The following LCK variants were observed in gnomAD, a reference collection of about 807,000 sequenced individuals.
The protein encoded by LCK is tyrosine-protein kinase Lck.
In LCK, 14 loss-of-function variants were observed where a neutral mutation model predicts 64.6. That is an observed-to-expected ratio of 0.22 (90% confidence interval 0.14 to 0.34). The LOEUF (loss-of-function observed/expected upper bound fraction) is 0.34, where lower values mean the gene tolerates loss of function less well. LCK is among the 10% of genes least tolerant of loss of function. The probability of loss-of-function intolerance (pLI) is 1.00; values close to 1 mark genes in which losing one functional copy is unlikely to be tolerated. For synonymous variants in LCK, 277 were observed against 263.6 expected, an observed-to-expected ratio of 1.05 and a Z score of -0.49; for missense variants, 434 against 668.1, an observed-to-expected ratio of 0.65 and a Z score of 3.86.
rs944285932 is a variant in LCK at position 32,276,856 on chromosome 1, A to C, written c.964+70A>C. 21 of 1,403,806 alleles carry C rather than the reference A, an allele frequency of 1.5e-5. No homozygotes were observed. In the Admixed American group the frequency reaches 2.9e-4, roughly 20 times the overall value. The allele number at this position is 1,403,806 out of a possible 1,614,324, so 87.0% of individuals were successfully genotyped here. A position where few individuals can be genotyped will look rare whatever the true frequency, so the allele number is the denominator to read the frequency against. ...GCTGTCCCTGCCAGAGGGTGGAAAT[A>C]CACCTTTTCTTCTGGCCCAAAGCTC... On this transcript the variant is annotated intron_variant, in intron 9 of 12. Coordinates refer to ENST00000336890, the MANE Select transcript of LCK (RefSeq NM_005356.5). The surrounding 1 kb of genome is among the most constrained non-coding windows in gnomAD (Gnocchi z 4.6).
At position 32,275,461 on chromosome 1, in the gene LCK, A is replaced by G. The variant is rs767952386; in HGVS notation, c.377+42A>G. 2 of 1,601,176 alleles carry G rather than the reference A, an allele frequency of 1.2e-6. No individual in the cohort carries two copies. The highest frequency in any genetic ancestry group is 1.7e-6 in the Non-Finnish European group (2 of 1,170,102). ...CGTGGGGGTGGGTAGGAGCAGATCT[A>G]GGGATCCTGGAGCAGGGAGTAGGCC... On this transcript the variant is annotated intron_variant, in intron 5 of 12. Transcript: ENST00000336890. This position sits in a 1 kb window ranked among gnomAD's most constrained non-coding sequence, Gnocchi z 6.9.
intron 1 of LCK, among the ~76,000 whole-genome samples, chr1:32,260,271 A>G (rs1639734788): frequency 6.6e-6 from 1 of 152,112 alleles, no homozygotes; most frequent in East Asian, 1.9e-4. Flanking sequence ...TCAGCCTCCC[A>G]AAGTGTTGGG....
Position 32,276,667 on chromosome 1 carries a change from C to G in LCK, c.845C>G (p.Pro282Arg), listed in dbSNP as rs772280544. Reference sequence around the variant, plus strand: ...AGCCTGAAGCAGGGCAGCATGTCCCCGGACGCCTTCCTGGCCGAGGCCAAC... The same window carrying G: ...AGCCTGAAGCAGGGCAGCATGTCCCGGGACGCCTTCCTGGCCGAGGCCAAC... ...VKSLKQGSMSPDAFLAEANLM... is the reference protein window; with the variant it reads ...VKSLKQGSMSRDAFLAEANLM... Residue 282 changes from proline to arginine, a missense_variant, in exon 9 of 13, where the codon CCG becomes CGG. Around this residue, in one of 2 missense-constraint regions of LCK, gnomAD observed 201 missense variants for 376.9 expected, o/e 0.53. Coordinates refer to ENST00000336890, the MANE Select transcript of LCK (RefSeq NM_005356.5). The surrounding 1 kb of genome is among the most constrained non-coding windows in gnomAD (Gnocchi z 4.6). 2 of 1,614,062 alleles carry G rather than the reference C, an allele frequency of 1.2e-6. No homozygotes were observed. Among genetic ancestry groups the G allele is most frequent in the Admixed American group, 3.3e-5 (2 of 59,998 alleles).
chr1:32,259,555 G>T (rs1045972328), intron 1 of LCK, among the ~76,000 whole-genome samples: 1 of 151,600 alleles, frequency 6.6e-6, no homozygotes, highest in Non-Finnish European at 1.5e-5. Context: ...GGGAGGCAGA[G>T]GTTGCAGTGA....
intron 1 of LCK, among the ~76,000 whole-genome samples, chr1:32,252,608 G>A (rs1211026935): frequency 6.6e-6 from 1 of 152,140 alleles, no homozygotes; most frequent in African/African-American, 2.4e-5. Flanking sequence ...ACCCTGGACA[G>A]GCATGAGCAG....
rs1490220383 is a variant in LCK, at chr1:32,251,887, C to T, written c.-6+516C>T. ...GGGCAGACCCCAGTGACAAGAATCT[C>T]CTGAGAAAGAGAGAGAGAGAGAGAG... On this transcript the variant is annotated intron_variant, in intron 1 of 12. Transcript: ENST00000336890. This position sits in a 1 kb window ranked among gnomAD's most constrained non-coding sequence, Gnocchi z 4.0. Among the ~76,000 whole-genome samples the T allele has an allele frequency of 7.4e-6, 1 of 134,722 alleles. No individual in the cohort carries two copies. The highest frequency in any genetic ancestry group is 2.2e-4 in the East Asian group (1 of 4,638). The allele number at this position is 134,722 out of a possible 152,430, so 88.4% of individuals were successfully genotyped here.
chr1:32,267,816 C>A (rs1400193299), intron 1 of LCK, among the ~76,000 whole-genome samples: 1 of 151,350 alleles, frequency 6.6e-6, no homozygotes, highest in Non-Finnish European at 1.5e-5. Context: ...ATCACTTGAA[C>A]CTGGGAGGTG....
Position 32,276,557 on chromosome 1 carries a change from C to A in LCK, c.785-50C>A. On this transcript the variant is annotated intron_variant, in intron 8 of 12. Transcript: ENST00000336890. The surrounding 1 kb of genome is among the most constrained non-coding windows in gnomAD (Gnocchi z 4.6). ...AGGGGCCGCTGAGGTGATGAGAGTCCCAGGACAGCTGCCTGGCGACTTTCC... is the reference window on the plus strand; with the variant it reads ...AGGGGCCGCTGAGGTGATGAGAGTCACAGGACAGCTGCCTGGCGACTTTCC... The A allele has an allele frequency of 6.3e-7, 1 of 1,585,156 alleles. No individual in the cohort carries two copies. Among genetic ancestry groups the A allele is most frequent in the Non-Finnish European group, 8.6e-7 (1 of 1,162,888 alleles).
At chr1:32,257,056 T>A (rs182600842) in intron 1 of LCK, among the ~76,000 whole-genome samples, 41 of 152,266 alleles carry the variant, frequency 2.7e-4, no homozygotes, top group Non-Finnish European at 5.1e-4. Flanking sequence ...CCAGTGTCTA[T>A]GTAGCAAGCA....
chr1:32,258,288 G>GAA (rs770894871), intron 1 of LCK, among the ~76,000 whole-genome samples: 2 of 127,246 alleles, frequency 1.6e-5, no homozygotes, highest in Non-Finnish European at 1.7e-5. Context: ...ATCTCTAAAG[G>GAA]AAAAAAAAAA....
At position 32,285,682 on chromosome 1, in the gene LCK, C is replaced by T. The variant is rs1640594043; in HGVS notation, c.1496C>T (p.Thr499Met). The T allele has an allele frequency of 6.2e-7, 1 of 1,611,158 alleles. No homozygotes were observed. The highest frequency in any genetic ancestry group is 8.5e-7 in the Non-Finnish European group (1 of 1,178,766). Residue 499 changes from threonine (T) to methionine (M), a missense_variant, in exon 13 of 13, where the codon ACG becomes ATG. Physicochemically the swap from Thr to Met is moderately conservative, Grantham distance 81 (BLOSUM62 -1). Coordinates refer to ENST00000336890, the MANE Select transcript of LCK (RefSeq NM_005356.5). ...YLRSVLEDFF[T>M]ATEGQYQPQP The stretch of plus-strand genomic sequence containing the variant: ...CGCAGTGTGCTGGAGGACTTCTTCA[C>T]GGCCACAGAGGGCCAGTACCAGCCT...
chr1:32,266,687 C>T (rs1639924364), intron 1 of LCK, among the ~76,000 whole-genome samples: 1 of 65,130 alleles, frequency 1.5e-5, no homozygotes, highest in Admixed American at 1.4e-4. Flanking sequence ...CCTCCCCTTC[C>T]CCCTCCTCCC....
chr1:32,253,971 T>C (rs184540700), intron 1 of LCK, among the ~76,000 whole-genome samples: 1 of 152,114 alleles, frequency 6.6e-6, no homozygotes, highest in East Asian at 1.9e-4. Flanking sequence ...CTACATCCTA[T>C]AACTCCATGC....
rs953170037 is a variant in LCK at position 32,279,600 on chromosome 1, G to C, written c.965-71G>C. 1.9e-6 allele frequency: 3 copies of C among 1,611,904 alleles called. No individual in the cohort carries two copies. In the African/African-American group the frequency reaches 4.0e-5, roughly 22 times the overall value. On this transcript the variant is annotated intron_variant, in intron 9 of 12. Coordinates refer to ENST00000336890, the MANE Select transcript of LCK (RefSeq NM_005356.5). ...TGTCAGACACACTTCTAGACTCCCA[G>C]TTGGAGGAGAAAGGTCTGGGGGCCT...
At chr1:32,258,489 A>C (rs1233773611) in intron 1 of LCK, among the ~76,000 whole-genome samples, 1 of 151,058 alleles carries the variant, frequency 6.6e-6, no homozygotes, top group African/African-American at 2.4e-5. Flanking sequence ...TAAAAAAAAA[A>C]AAAAAAACCA....
chr1:32,275,769 C>A lies in LCK; in HGVS notation c.481+97C>A. The A allele has an allele frequency of 3.0e-6, 4 of 1,331,644 alleles. No homozygotes were observed. The highest frequency in any genetic ancestry group is 1.4e-5 in the South Asian group (1 of 70,006). The allele number at this position is 1,331,644 out of a possible 1,614,324, so 82.5% of individuals were successfully genotyped here. Reference sequence around the variant, plus strand: ...CCCGAGGTGGAGACACGGGGTGAGTCGGAGGGGGACGCGGGATGAGCCCGA... The same window carrying A: ...CCCGAGGTGGAGACACGGGGTGAGTAGGAGGGGGACGCGGGATGAGCCCGA... On this transcript the variant is annotated intron_variant, in intron 6 of 12. Coordinates refer to ENST00000336890, the MANE Select transcript of LCK (RefSeq NM_005356.5). This position sits in a 1 kb window ranked among gnomAD's most constrained non-coding sequence, Gnocchi z 6.9.
chr1:32,275,915 A>G lies in LCK; in HGVS notation c.483A>G (p.Gly161=), dbSNP rs1165576519. The G allele has an allele frequency of 1.2e-6, 2 of 1,614,032 alleles. No individual in the cohort carries two copies. The highest frequency in any genetic ancestry group is 2.2e-5 in the South Asian group (2 of 91,082). ...FLIRESESTA[G]SFSLSVRDFD... The stretch of plus-strand genomic sequence containing the variant: ...TTGTCCATCCATTCATTCATTCAGG[A>G]TCGTTTTCACTGTCGGTCCGGGACT... Residue 161 remains glycine (G), a splice_region_variant and synonymous_variant, in exon 7 of 13, where the codon GGA becomes GGG. Transcript: ENST00000336890. This position sits in a 1 kb window ranked among gnomAD's most constrained non-coding sequence, Gnocchi z 6.9.
At chr1:32,253,965 A>G (rs953654484) in intron 1 of LCK, among the ~76,000 whole-genome samples, 3 of 152,024 alleles carry the variant, frequency 2.0e-5, no homozygotes, top group Non-Finnish European at 4.4e-5. Flanking sequence ...CACAGACTAC[A>G]TCCTATAACT....
chr1:32,266,414 C>T (rs1196022237), intron 1 of LCK, among the ~76,000 whole-genome samples: 3 of 148,728 alleles, frequency 2.0e-5, no homozygotes, highest in South Asian at 2.1e-4. Context: ...AGGAGAAGGG[C>T]GTGAACCCAG....
Sources: allele counts gnomAD v4.1 joint callset (sites outside exome capture counted in the v4.1 genomes callset), GRCh38; gene constraint gnomAD v4.1.1; regional missense constraint gnomAD v4.1.1; non-coding constraint Gnocchi (gnomAD v3.1); transcripts MANE v1.5; gene names NCBI Gene and HGNC (gene_info 2026-07-23, HGNC 2026-07-21).